The following DDX60 variants were observed in gnomAD, a reference collection of about 807,000 sequenced individuals.
DDX60 encodes DExD/H-box helicase 60, also known as probable ATP-dependent RNA helicase DDX60.
In DDX60, 165 loss-of-function variants were observed where a neutral mutation model predicts 212.8. The ratio of observed to expected loss-of-function variants is 0.78; its 90% CI spans 0.68 to 0.88. The LOEUF is 0.88. DDX60 is among the 40% of genes least tolerant of loss of function. DDX60 has a pLI of 0.00. For missense variants in DDX60, 1,905 were observed against 2,003.9 expected (o/e 0.95, Z 0.94); for synonymous variants, 703 against 685.3 (o/e 1.03, Z -0.40).
At chr4:168,236,466 T>C (rs940886921) in intron 32 of DDX60, 93 bp from the exon 33 acceptor site, 4 of 1,162,260 alleles carry the variant, frequency 3.4e-6, no homozygotes, top group Non-Finnish European at 4.7e-6. Flanking sequence ...TTTAATTTCA[T>C]GGAAACTAAA....
At chr4:168,306,914 A>T (rs186906064) in intron 4 of DDX60, among the ~76,000 whole-genome samples, 194 bp from the exon 5 acceptor site, 1 of 152,354 alleles carries the variant, frequency 6.6e-6, no homozygotes, top group East Asian at 1.9e-4. Context: ...TTGGATTTAA[A>T]TGCATGTGTC....
At chr4:168,319,721 T>C (rs1263266275), upstream of DDX60, among the ~76,000 whole-genome samples, 1 of 152,144 alleles carries the variant, frequency 6.6e-6, no homozygotes, top group Non-Finnish European at 1.5e-5. Context: ...CATTCATATA[T>C]TGGAAATAGA....
At chr4:168,267,476 AATTCT>A (rs967584822) in intron 22 of DDX60, 101 bp downstream of exon 22, 2 of 472,692 alleles carry the variant, frequency 4.2e-6, no homozygotes, top group African/African-American at 4.0e-5. Flanking sequence ...GTAATTCTGT[AATTCT>A]ATTCTATAAT....
intron 25 of DDX60, among the ~76,000 whole-genome samples, chr4:168,258,635 C>A (rs1319535181): frequency 6.6e-6 from 1 of 152,090 alleles, no homozygotes; most frequent in Admixed American, 6.5e-5. Context: ...AGCTTCAATT[C>A]TTCAAGTATA....
chr4:168,248,586 C>T (rs1224514261), intron 28 of DDX60, among the ~76,000 whole-genome samples: 2 of 152,108 alleles, frequency 1.3e-5, no homozygotes, highest in African/African-American at 4.8e-5. Flanking sequence ...TCCAAAATAA[C>T]CACCCCTACC....
At chr4:168,300,581 TG>T (rs1465262779) in intron 6 of DDX60, among the ~76,000 whole-genome samples, 2 of 95,524 alleles carry the variant, frequency 2.1e-5, no homozygotes, top group African/African-American at 1.5e-4. Context: ...AACACCAGAA[TG>T]TGTGTGTGTG....
At position 168,216,822 on chromosome 4, in the gene DDX60, T is replaced by C. The variant is rs1219273562; in HGVS notation, c.*111A>G. ...GTTTGCTCTTTCCACTTCATCGTAA[T>C]GTATTTCCACTTTATCATAATGTAT... is the stretch of plus-strand genomic sequence containing the variant. On this transcript the variant is annotated 3_prime_UTR_variant, in exon 38 of 38. Coordinates refer to ENST00000393743, the MANE Select transcript of DDX60 (RefSeq NM_017631.6). The C allele has an allele frequency of 4.7e-6, 3 of 638,190 alleles. No individual in the cohort carries two copies. Among genetic ancestry groups the C allele is most frequent in the Non-Finnish European group, 7.8e-6 (3 of 382,600 alleles). 39.5% of individuals were successfully genotyped at this position (638,190 alleles called of 1,614,324 possible). A position where few individuals can be genotyped will look rare whatever the true frequency, so the allele number is the denominator to read the frequency against.
At chr4:168,320,985 T>G (rs559829288), upstream of DDX60, among the ~76,000 whole-genome samples, 2 of 152,350 alleles carry the variant, frequency 1.3e-5, no homozygotes, top group South Asian at 4.1e-4. Context: ...TGATTTTTTT[T>G]TGCTTAAATT....
chr4:168,272,221 TTA>T (rs1295959261), intron 18 of DDX60, 83 bp from the exon 19 acceptor site: 1 of 1,094,788 alleles, frequency 9.1e-7, no homozygotes, highest in Admixed American at 2.0e-5. Flanking sequence ...TAAGATAGAC[TTA>T]TGAGTCCTGA....
chr4:168,264,348 A>T (rs1233035954), intron 22 of DDX60, among the ~76,000 whole-genome samples: 1 of 152,216 alleles, frequency 6.6e-6, no homozygotes, highest in Non-Finnish European at 1.5e-5. Context: ...GTACTGAAAG[A>T]TAGCTAAATG....
intron 30 of DDX60, among the ~76,000 whole-genome samples, chr4:168,242,154 A>G (rs1280120745): frequency 6.6e-6 from 1 of 152,224 alleles, no homozygotes; most frequent in African/African-American, 2.4e-5. Flanking sequence ...CAGAGGATGT[A>G]TGAAACTTCC....
chr4:168,272,250 T>C lies in DDX60; in HGVS notation c.2575-112A>G, dbSNP rs1036783058. ...GAGTCCTGAATGTACCTGCTGATAA[T>C]TGGCATATAACATTGCTTCTGAGAA... On this transcript the variant is annotated intron_variant, in intron 18 of 37. Transcript: ENST00000393743. 54 of 796,696 alleles carry C rather than the reference T, an allele frequency of 6.8e-5. No individual in the cohort carries two copies. In the Admixed American group the frequency reaches 8.5e-4, roughly 13 times the overall value. The allele number at this position is 796,696 out of a possible 1,614,324, so 49.4% of individuals were successfully genotyped here. A position where few individuals can be genotyped will look rare whatever the true frequency, so the allele number is the denominator to read the frequency against.
At chr4:168,238,624 T>G (rs1733726624) in intron 30 of DDX60, among the ~76,000 whole-genome samples, 2 of 152,036 alleles carry the variant, frequency 1.3e-5, no homozygotes, top group South Asian at 4.1e-4. Flanking sequence ...CTGGCCTTTT[T>G]TGCAACCTCT....
intron 1 of DDX60, among the ~76,000 whole-genome samples, chr4:168,315,754 A>T (rs1053846621): frequency 1.3e-5 from 2 of 152,058 alleles, no homozygotes; most frequent in Non-Finnish European, 2.9e-5. Flanking sequence ...AAGGACACGA[A>T]CTCATTCTTT....
At chr4:168,251,229 C>T in intron 27 of DDX60, 123 bp from the exon 28 acceptor site, 1 of 843,466 alleles carries the variant, frequency 1.2e-6, no homozygotes, top group Non-Finnish European at 1.8e-6. Flanking sequence ...TTGAAACTGA[C>T]TCTACATGAA....
Position 168,262,219 on chromosome 4 carries a change from G to T in DDX60, c.3145-91C>A, listed in dbSNP as rs957116244. ...ATATGCCTCATTAACAGCCTTACAAGTTTCTTGAGCACAGAGATGGTTAAA... is the reference window on the plus strand; with the variant it reads ...ATATGCCTCATTAACAGCCTTACAATTTTCTTGAGCACAGAGATGGTTAAA... On this transcript the variant is annotated intron_variant, in intron 23 of 37. Coordinates refer to ENST00000393743, the MANE Select transcript of DDX60 (RefSeq NM_017631.6). The T allele has an allele frequency of 1.3e-5, 18 of 1,401,150 alleles. No homozygotes were observed. In the Admixed American group the frequency reaches 1.3e-4, roughly 10 times the overall value. 86.8% of individuals were successfully genotyped at this position (1,401,150 alleles called of 1,614,324 possible).
chr4:168,237,908 G>C lies in DDX60; in HGVS notation c.4165-113C>G. 3 of 729,640 alleles carry C rather than the reference G, an allele frequency of 4.1e-6. No individual in the cohort carries two copies. The South Asian group carries it at 9.0e-5, about 22-fold the overall frequency. The allele number at this position is 729,640 out of a possible 1,614,324, so 45.2% of individuals were successfully genotyped here. A position where few individuals can be genotyped will look rare whatever the true frequency, so the allele number is the denominator to read the frequency against. ...ATTATACCACAAAGATATCAGAAATGTATCAGAAAAAATTTGATTTCATAT... is the reference window on the plus strand; with the variant it reads ...ATTATACCACAAAGATATCAGAAATCTATCAGAAAAAATTTGATTTCATAT... On this transcript the variant is annotated intron_variant, in intron 30 of 37. Transcript: ENST00000393743.
intron 25 of DDX60, 109 bp from the exon 26 acceptor site, chr4:168,255,978 AC>A: frequency 8.9e-7 from 1 of 1,128,594 alleles, no homozygotes; most frequent in Non-Finnish European, 1.2e-6. Flanking sequence ...GGTTTTTAAT[AC>A]CCACCTTTAT....
At chr4:168,225,978 A>C (rs1424260457) in intron 33 of DDX60, among the ~76,000 whole-genome samples, 3 of 152,122 alleles carry the variant, frequency 2.0e-5, no homozygotes, top group African/African-American at 7.2e-5. Flanking sequence ...GACTTGTGAA[A>C]ATTTCAAAGA....
Sources: allele counts gnomAD v4.1 joint callset (sites outside exome capture counted in the v4.1 genomes callset), GRCh38; gene constraint gnomAD v4.1.1; transcripts MANE v1.5; gene names NCBI Gene and HGNC (gene_info 2026-07-23, HGNC 2026-07-21).